Variants in BBX observed in about 807,000 individuals in gnomAD.
BBX encodes HMG box transcription factor BBX.
In BBX, 30 loss-of-function variants were observed where a neutral mutation model predicts 100.2. The ratio of observed to expected loss-of-function variants is 0.30; its 90% CI spans 0.22 to 0.41. BBX has a LOEUF of 0.41. Among genes scored for constraint, BBX ranks in the 10% least tolerant of loss-of-function variants. BBX has a pLI of 1.00. For missense variants in BBX, 1,023 were observed against 1,129.8 expected, an observed-to-expected ratio of 0.91 and a Z score of 1.35; for synonymous variants, 376 against 388.1, an observed-to-expected ratio of 0.97 and a Z score of 0.37.
At chr3:107,704,787 G>T (rs1319345871) in intron 3 of BBX, among the ~76,000 whole-genome samples, 1 of 152,084 alleles carries the variant, frequency 6.6e-6, no homozygotes, top group East Asian at 1.9e-4. Flanking sequence ...TCAAAGCAGG[G>T]TGCAGGGGAG....
intron 9 of BBX, among the ~76,000 whole-genome samples, chr3:107,753,944 A>G (rs570092431): frequency 1.3e-5 from 2 of 152,356 alleles, no homozygotes; most frequent in South Asian, 4.1e-4. Flanking sequence ...TAAGTGTTAA[A>G]GATAAATCAT....
chr3:107,791,731 A>G (rs2069066538), intron 15 of BBX, among the ~76,000 whole-genome samples: 1 of 152,226 alleles, frequency 6.6e-6, no homozygotes, highest in Non-Finnish European at 1.5e-5. Flanking sequence ...AGCAAGGCAC[A>G]GTGGCTCACG....
chr3:107,638,753 T>C (rs1576118905), intron 2 of BBX, among the ~76,000 whole-genome samples: 1 of 96,450 alleles, frequency 1.0e-5, no homozygotes, highest in Non-Finnish European at 2.0e-5. Context: ...AAACCACTCC[T>C]CTACCAAAAA....
At chr3:107,731,270 A>C (rs2063298528) in intron 6 of BBX, among the ~76,000 whole-genome samples, 1 of 152,316 alleles carries the variant, frequency 6.6e-6, no homozygotes, top group East Asian at 1.9e-4. Context: ...TCACGTAATC[A>C]TGTTCCTATT....
At chr3:107,555,434 G>A (rs536121013) in intron 2 of BBX, among the ~76,000 whole-genome samples, 2 of 152,196 alleles carry the variant, frequency 1.3e-5, no homozygotes, top group Non-Finnish European at 2.9e-5. Flanking sequence ...CCCAGAAAAA[G>A]CTTGGAGAGT....
At chr3:107,668,618 C>T (rs1408408365) in intron 3 of BBX, among the ~76,000 whole-genome samples, 2 of 152,154 alleles carry the variant, frequency 1.3e-5, no homozygotes, top group African/African-American at 4.8e-5. Flanking sequence ...AGCTCTGTGC[C>T]AAGGCAGGAG....
chr3:107,574,678 T>G (rs2051640074), intron 2 of BBX, among the ~76,000 whole-genome samples: 1 of 152,192 alleles, frequency 6.6e-6, no homozygotes, highest in Non-Finnish European at 1.5e-5. Context: ...ATTAAAGATA[T>G]TACTAATTTT....
intron 2 of BBX, among the ~76,000 whole-genome samples, chr3:107,576,161 C>T (rs9851055): frequency 0.44 from 67,639 of 152,090 alleles, 15,820 homozygotes; most frequent in Middle Eastern, 0.52. Context: ...ATTTTTACCA[C>T]GACCAGTGGT....
chr3:107,611,535 G>A (rs111865841), intron 2 of BBX, among the ~76,000 whole-genome samples: 1 of 152,024 alleles, frequency 6.6e-6, no homozygotes, highest in Admixed American at 6.6e-5. Flanking sequence ...TTTGTCTTAA[G>A]CCCTTTAAAT....
At chr3:107,748,173 A>G (rs2064780388) in intron 9 of BBX, 134 bp downstream of exon 9, 1 of 647,054 alleles carries the variant, frequency 1.5e-6, no homozygotes, top group Non-Finnish European at 2.5e-6. Flanking sequence ...ACATAACAGA[A>G]TATTTATTGC....
At chr3:107,645,789 C>G (rs371968086) in intron 2 of BBX, 47 bp from the exon 3 acceptor site, 3 of 152,730 alleles carry the variant, frequency 2.0e-5, no homozygotes, top group African/African-American at 7.2e-5. Context: ...ATTTGAAAGG[C>G]CTTCCTGGCT....
At position 107,531,281 on chromosome 3, in the gene BBX, A is replaced by G. The variant is rs551973288; in HGVS notation, c.-84+4883A>G. 5.9e-5 allele frequency among the ~76,000 whole-genome samples: 9 copies of G among 152,284 alleles called. No homozygotes were observed. In the South Asian group the frequency reaches 1.7e-3, roughly 28 times the overall value. Reference sequence around the variant, plus strand: ...GTGCTCCTGTAGTAGAAGGTGTAGTACAAGGAACAGAGGCCGTACCACCAA... The same window carrying G: ...GTGCTCCTGTAGTAGAAGGTGTAGTGCAAGGAACAGAGGCCGTACCACCAA... On this transcript the variant is annotated intron_variant, in intron 2 of 17. Coordinates refer to ENST00000325805, the MANE Select transcript of BBX (RefSeq NM_001142568.3).
At chr3:107,535,244 AT>A (rs572203504) in intron 2 of BBX, among the ~76,000 whole-genome samples, 11 of 149,638 alleles carry the variant, frequency 7.4e-5, no homozygotes, top group African/African-American at 2.0e-4. Flanking sequence ...ATTCTCCCCA[AT>A]TTTTTTTTTC....
intron 2 of BBX, among the ~76,000 whole-genome samples, chr3:107,588,770 A>G (rs997602223): frequency 1.3e-5 from 2 of 152,234 alleles, no homozygotes; most frequent in African/African-American, 4.8e-5. Context: ...TAAAAATTGA[A>G]CATATAACAT....
At chr3:107,753,987 A>G (rs1048091790) in intron 9 of BBX, among the ~76,000 whole-genome samples, 6 of 152,280 alleles carry the variant, frequency 3.9e-5, no homozygotes, top group African/African-American at 1.2e-4. Flanking sequence ...TATTGAGAGC[A>G]TAATATCTCT....
chr3:107,740,387 AG>A (rs1364431425), intron 7 of BBX, among the ~76,000 whole-genome samples: 2 of 151,652 alleles, frequency 1.3e-5, no homozygotes, highest in Non-Finnish European at 2.9e-5. Context: ...ACATCTTTCC[AG>A]ACAATTACTG....
At chr3:107,610,992 T>G (rs1304698271) in intron 2 of BBX, among the ~76,000 whole-genome samples, 1 of 152,066 alleles carries the variant, frequency 6.6e-6, no homozygotes, top group Non-Finnish European at 1.5e-5. Flanking sequence ...ATGTTTGAAT[T>G]TATTGTTTTT....
intron 3 of BBX, among the ~76,000 whole-genome samples, chr3:107,682,032 A>G (rs1326266227): frequency 6.6e-6 from 1 of 152,156 alleles, no homozygotes; most frequent in Non-Finnish European, 1.5e-5. Flanking sequence ...AGTGCAGTGT[A>G]ATGAAATCCA....
chr3:107,805,135 T>A (rs1214409415), intron 17 of BBX, among the ~76,000 whole-genome samples: 1 of 152,044 alleles, frequency 6.6e-6, no homozygotes, highest in Admixed American at 6.6e-5. Context: ...TGAGGGGAAT[T>A]CAGATATAAA....
Sources: gnomAD v4.1 joint callset for allele counts (sites outside exome capture counted in the v4.1 genomes callset) on GRCh38, gnomAD v4.1.1 for gene constraint, MANE v1.5 for transcripts, NCBI Gene and HGNC (gene_info 2026-07-23, HGNC 2026-07-21) for gene names.